PHACTR1: variants seen among roughly 807,000 people sequenced by gnomAD.
The protein encoded by PHACTR1 is RPEL repeat containing 1.
PHACTR1 carries 16 observed loss-of-function variants against 69.2 expected under a neutral mutation model. The observed-to-expected ratio is 0.23, with a 90% CI of 0.16 to 0.35. PHACTR1 has a LOEUF of 0.35. Among genes scored for constraint, PHACTR1 ranks in the 10% least tolerant of loss-of-function variants. The pLI is 1.00. For missense variants in PHACTR1, 510 were observed against 734.7 expected, an observed-to-expected ratio of 0.69 and a Z score of 3.54; for synonymous variants, 312 against 284.5, an observed-to-expected ratio of 1.10 and a Z score of -0.97.
intron 5 of PHACTR1, among the ~76,000 whole-genome samples, chr6:13,100,688 A>G (rs1583355039): frequency 6.6e-6 from 1 of 152,230 alleles, no homozygotes; most frequent in Non-Finnish European, 1.5e-5. Context: ...ACTTTAGGAA[A>G]TCCTCTGTGG....
chr6:13,044,146 CCTA>C (rs2127718552), intron 4 of PHACTR1, among the ~76,000 whole-genome samples: 1 of 151,862 alleles, frequency 6.6e-6, no homozygotes, highest in South Asian at 2.1e-4. Flanking sequence ...AACTTTCCTC[CCTA>C]CCTGTCTGGT....
At chr6:13,091,987 A>G (rs1163738986) in intron 5 of PHACTR1, among the ~76,000 whole-genome samples, 2 of 152,008 alleles carry the variant, frequency 1.3e-5, no homozygotes, top group Non-Finnish European at 2.9e-5. Flanking sequence ...TTTAGTAGAG[A>G]CGGGGTTTCA....
intron 4 of PHACTR1, among the ~76,000 whole-genome samples, chr6:12,994,571 C>T (rs1797203998): frequency 6.6e-6 from 1 of 151,886 alleles, no homozygotes; most frequent in African/African-American, 2.4e-5. Context: ...TTCCAAAGAA[C>T]CATTTTTAAC....
At chr6:13,071,546 G>A (rs1001424122) in intron 5 of PHACTR1, among the ~76,000 whole-genome samples, 1 of 152,164 alleles carries the variant, frequency 6.6e-6, no homozygotes, top group Non-Finnish European at 1.5e-5. Flanking sequence ...AATCAAATTA[G>A]CACAAAGCTG....
At chr6:12,931,000 T>C (rs1174560944) in intron 4 of PHACTR1, among the ~76,000 whole-genome samples, 2 of 90,568 alleles carry the variant, frequency 2.2e-5, no homozygotes, top group African/African-American at 5.5e-5. Flanking sequence ...CAAAACTCTG[T>C]CTCAAAAAAA....
At chr6:12,732,523 G>A (rs1763676275) in intron 3 of PHACTR1, among the ~76,000 whole-genome samples, 1 of 151,992 alleles carries the variant, frequency 6.6e-6, no homozygotes, top group Admixed American at 6.6e-5. Context: ...TCCCCTCCCT[G>A]TGTCCACGTG....
chr6:13,153,864 G>A (rs1053058007), intron 5 of PHACTR1, among the ~76,000 whole-genome samples: 1 of 152,130 alleles, frequency 6.6e-6, no homozygotes, highest in African/African-American at 2.4e-5. Flanking sequence ...CAATTTTAAT[G>A]TTGGCCTCCT....
chr6:12,856,454 C>G (rs1480492267), intron 4 of PHACTR1, among the ~76,000 whole-genome samples: 1 of 152,098 alleles, frequency 6.6e-6, no homozygotes, highest in Non-Finnish European at 1.5e-5. Context: ...GGTGTTTCAC[C>G]ATGTTAGCCA....
chr6:12,720,739 C>A (rs1762011912), intron 3 of PHACTR1, among the ~76,000 whole-genome samples: 1 of 152,216 alleles, frequency 6.6e-6, no homozygotes, highest in South Asian at 2.1e-4. Flanking sequence ...AACCAGATAT[C>A]CTGGTGTAAG....
In PHACTR1 at chr6:12,920,355, G is replaced by A. The variant is rs923042808; in HGVS notation, c.251-133010G>A. 8.5e-5 allele frequency among the ~76,000 whole-genome samples: 13 copies of A among 152,290 alleles called. No individual in the cohort carries two copies. In the East Asian group the frequency reaches 1.3e-3, roughly 16 times the overall value. On this transcript the variant is annotated intron_variant, in intron 4 of 14. Transcript: ENST00000332995. ...AAAATCCACATGGATGGAACATTTC[G>A]TACCGTTAGCATTGTGAAACTTAAG...
At chr6:12,813,655 G>A (rs1249381198) in intron 4 of PHACTR1, among the ~76,000 whole-genome samples, 1 of 152,160 alleles carries the variant, frequency 6.6e-6, no homozygotes, top group Admixed American at 6.5e-5. Flanking sequence ...AAGCCACTCT[G>A]TAGTTTCCGC....
At chr6:12,987,542 T>A (rs1796330071) in intron 4 of PHACTR1, among the ~76,000 whole-genome samples, 1 of 152,134 alleles carries the variant, frequency 6.6e-6, no homozygotes, top group Non-Finnish European at 1.5e-5. Context: ...CATGAGAGAT[T>A]AAGGCAGCTT....
intron 4 of PHACTR1, among the ~76,000 whole-genome samples, chr6:12,867,251 G>A (rs1459856085): frequency 2.0e-5 from 3 of 152,194 alleles, no homozygotes; most frequent in Non-Finnish European, 2.9e-5. Context: ...AGCCTTCACA[G>A]TAGGCACCTG....
At chr6:12,826,750 A>G (rs561207742) in intron 4 of PHACTR1, among the ~76,000 whole-genome samples, 2 of 152,328 alleles carry the variant, frequency 1.3e-5, no homozygotes, top group South Asian at 4.1e-4. Flanking sequence ...CCATAAATCA[A>G]TATAAAGGAA....
chr6:13,253,270 G>A (rs899574349), intron 10 of PHACTR1, among the ~76,000 whole-genome samples: 7 of 152,188 alleles, frequency 4.6e-5, no homozygotes, highest in African/African-American at 1.7e-4. Flanking sequence ...GACATGGAAG[G>A]AGGCACCTTG....
chr6:13,142,522 T>G (rs1234165203), intron 5 of PHACTR1, among the ~76,000 whole-genome samples: 2 of 152,220 alleles, frequency 1.3e-5, no homozygotes, highest in African/African-American at 4.8e-5. Context: ...TGTGAGAAGT[T>G]TATAGTTTTT....
Position 13,283,289 on chromosome 6 carries a change from C to G in PHACTR1, c.1510-133C>G. The G allele has an allele frequency of 2.5e-6, 2 of 796,482 alleles. No individual in the cohort carries two copies. The highest frequency in any genetic ancestry group is 3.8e-6 in the Non-Finnish European group (2 of 521,316). 49.3% of individuals were successfully genotyped at this position (796,482 alleles called of 1,614,324 possible). ...CACCCTGGCCCTCCCCCTGCCCCTG[C>G]CCCTCACTCACTATGCGATGCATCC... On this transcript the variant is annotated intron_variant, in intron 12 of 14. Transcript: ENST00000332995. The surrounding 1 kb of genome is among the most constrained non-coding windows in gnomAD (Gnocchi z 4.7).
At chr6:12,893,478 A>G (rs891912752) in intron 4 of PHACTR1, among the ~76,000 whole-genome samples, 17 of 152,198 alleles carry the variant, frequency 1.1e-4, no homozygotes, top group African/African-American at 3.6e-4. Flanking sequence ...CAGGTTTTAG[A>G]TATATGCAAG....
intron 4 of PHACTR1, among the ~76,000 whole-genome samples, chr6:12,863,514 C>T (rs537754409): frequency 1.3e-5 from 2 of 152,144 alleles, no homozygotes; most frequent in Non-Finnish European, 2.9e-5. Context: ...ACTGTAATAT[C>T]GAGATGACTA....
Sources: gnomAD v4.1 joint callset for allele counts (sites outside exome capture counted in the v4.1 genomes callset) on GRCh38, gnomAD v4.1.1 for gene constraint, Gnocchi (gnomAD v3.1) non-coding constraint, MANE v1.5 for transcripts, NCBI Gene and HGNC (gene_info 2026-07-23, HGNC 2026-07-21) for gene names.